Variants in GRID2 observed in about 807,000 individuals in gnomAD.
GRID2 encodes glutamate receptor ionotropic, delta-2.
In GRID2, 33 loss-of-function variants were observed where a neutral mutation model predicts 114.8. That is an observed-to-expected ratio of 0.29 (90% CI 0.22 to 0.38). The LOEUF is 0.38. Among genes scored for constraint, GRID2 ranks in the 10% least tolerant of loss-of-function variants. GRID2 has a pLI of 1.00. For missense variants in GRID2, 1,184 were observed against 1,257.7 expected (o/e 0.94, Z 0.89); for synonymous variants, 505 against 449.9 (o/e 1.12, Z -1.55).
intron 3 of GRID2, among the ~76,000 whole-genome samples, chr4:93,092,859 C>T (rs989595204): frequency 2.0e-5 from 3 of 152,034 alleles, no homozygotes; most frequent in Non-Finnish European, 4.4e-5. Context: ...CACAAACACA[C>T]ACACACACAT....
intron 1 of GRID2, among the ~76,000 whole-genome samples, chr4:92,477,290 C>T (rs1015979182): frequency 6.6e-6 from 1 of 151,946 alleles, no homozygotes; most frequent in Non-Finnish European, 1.5e-5. Context: ...CAATGGTTAA[C>T]CTTATTTTAG....
intron 2 of GRID2, among the ~76,000 whole-genome samples, chr4:92,791,085 G>C (rs577461028): frequency 6.6e-6 from 1 of 150,832 alleles, no homozygotes; most frequent in African/African-American, 2.4e-5. Flanking sequence ...GCTGATTCTC[G>C]GTAAATATTT....
intron 1 of GRID2, among the ~76,000 whole-genome samples, chr4:92,403,697 T>C (rs1400799584): frequency 1.3e-4 from 1 of 7,758 alleles, no homozygotes; most frequent in African/African-American, 3.6e-4. Context: ...ATCTCAAAAA[T>C]AAATAAATAA....
chr4:92,327,423 C>T (rs1163997877), intron 1 of GRID2, among the ~76,000 whole-genome samples: 3 of 151,894 alleles, frequency 2.0e-5, no homozygotes, highest in Admixed American at 2.0e-4. Flanking sequence ...AACAATTTCA[C>T]TCAGATCCCC....
intron 2 of GRID2, among the ~76,000 whole-genome samples, chr4:93,071,702 A>G (rs1728818765): frequency 6.6e-6 from 1 of 152,076 alleles, no homozygotes; most frequent in Non-Finnish European, 1.5e-5. Flanking sequence ...AGAGTGAGAA[A>G]GGCTGATGGA....
intron 2 of GRID2, among the ~76,000 whole-genome samples, chr4:92,967,786 G>A (rs115377607): frequency 9.9e-4 from 151 of 152,000 alleles, no homozygotes; most frequent in African/African-American, 3.1e-3. Flanking sequence ...GTGCACAAGC[G>A]AGGGTATAGC....
intron 10 of GRID2, among the ~76,000 whole-genome samples, chr4:93,439,660 T>C (rs145696185): frequency 1.3e-5 from 2 of 152,236 alleles, no homozygotes; most frequent in East Asian, 3.9e-4. Context: ...AGGTCCTAAA[T>C]TGTTCCACCT....
At chr4:93,012,295 G>A (rs146875186) in intron 2 of GRID2, among the ~76,000 whole-genome samples, 2 of 152,106 alleles carry the variant, frequency 1.3e-5, no homozygotes, top group Non-Finnish European at 2.9e-5. Context: ...AGCAGAGGCA[G>A]AAATGTGTTT....
intron 1 of GRID2, among the ~76,000 whole-genome samples, chr4:92,328,874 T>G (rs1178526375): frequency 2.2e-4 from 33 of 152,232 alleles, no homozygotes; most frequent in Non-Finnish European, 4.9e-4. Context: ...TATTAATTTC[T>G]GTTTTCATGT....
At position 93,756,403 on chromosome 4, in the gene GRID2, C is replaced by T. The variant is rs146365395; in HGVS notation, c.2361-12807C>T. ...AAACAAAATGCCACAGACTGGGTGG[C>T]TTAAACAATGGAAATTTATTTCTCA... On this transcript the variant is annotated intron_variant, in intron 14 of 15. Coordinates refer to ENST00000282020, the MANE Select transcript of GRID2 (RefSeq NM_001510.4). Among the ~76,000 whole-genome samples, 128 of 152,296 alleles carry T rather than the reference C, an allele frequency of 8.4e-4. 1 individual carries two copies. The East Asian group carries it at 0.015, about 18-fold the overall frequency.
intron 12 of GRID2, among the ~76,000 whole-genome samples, chr4:93,492,550 A>T (rs1311257334): frequency 6.6e-6 from 1 of 151,782 alleles, no homozygotes; most frequent in Non-Finnish European, 1.5e-5. Context: ...TAAAGGATGA[A>T]ATTCTCCAAA....
chr4:93,647,267 T>C (rs1722194660), intron 14 of GRID2, among the ~76,000 whole-genome samples: 1 of 152,186 alleles, frequency 6.6e-6, no homozygotes, highest in East Asian at 1.9e-4. Flanking sequence ...GACTTCATTA[T>C]ACGCTTTTGA....
At chr4:92,462,469 A>G (rs984943452) in intron 1 of GRID2, among the ~76,000 whole-genome samples, 1 of 152,018 alleles carries the variant, frequency 6.6e-6, no homozygotes, top group Non-Finnish European at 1.5e-5. Flanking sequence ...CTTTGCTGGA[A>G]GCAAAAATAT....
At chr4:93,594,758 C>T (rs1485320668) in intron 13 of GRID2, among the ~76,000 whole-genome samples, 11 of 152,096 alleles carry the variant, frequency 7.2e-5, no homozygotes, top group South Asian at 2.1e-4. Flanking sequence ...TCTCGTGGTG[C>T]GCCGTTTTTT....
At chr4:92,386,177 A>C (rs2110250201) in intron 1 of GRID2, among the ~76,000 whole-genome samples, 1 of 151,736 alleles carries the variant, frequency 6.6e-6, no homozygotes, top group East Asian at 1.9e-4. Context: ...TATTTTTAAA[A>C]AGTTTAAAGC....
At chr4:93,531,040 A>G (rs531554489) in intron 13 of GRID2, among the ~76,000 whole-genome samples, 44 of 152,276 alleles carry the variant, frequency 2.9e-4, no homozygotes, top group Non-Finnish European at 5.6e-4. Context: ...TGGTATGTTT[A>G]TGTAACTGAG....
chr4:92,779,387 A>G (rs997613066), intron 2 of GRID2, among the ~76,000 whole-genome samples: 14 of 152,098 alleles, frequency 9.2e-5, no homozygotes, highest in Admixed American at 1.3e-4. Flanking sequence ...ATGAAAATTG[A>G]TGAATCTTAG....
At chr4:92,923,457 G>C (rs1200365200) in intron 2 of GRID2, among the ~76,000 whole-genome samples, 1 of 151,936 alleles carries the variant, frequency 6.6e-6, no homozygotes, top group African/African-American at 2.4e-5. Context: ...TTTTCATAAA[G>C]ATACAAATTC....
intron 8 of GRID2, among the ~76,000 whole-genome samples, chr4:93,369,105 T>C (rs893039462): frequency 2.0e-5 from 3 of 152,106 alleles, no homozygotes; most frequent in Non-Finnish European, 4.4e-5. Flanking sequence ...AGGCCAAAAG[T>C]TCACAAGCAA....
Sources: gnomAD v4.1 joint callset for allele counts (sites outside exome capture counted in the v4.1 genomes callset) on GRCh38, gnomAD v4.1.1 for gene constraint, MANE v1.5 for transcripts, NCBI Gene and HGNC (gene_info 2026-07-23, HGNC 2026-07-21) for gene names.